TTYH3: variants seen among roughly 807,000 people sequenced by gnomAD.
TTYH3 encodes protein tweety homolog 3.
A neutral mutation model predicts 68.2 loss-of-function variants in TTYH3; 23 were observed. That is an observed-to-expected ratio of 0.34 (90% CI 0.24 to 0.48). The LOEUF is 0.48. Ranked by LOEUF, TTYH3 falls within the 20% of genes least tolerant of loss-of-function variation. TTYH3 has a pLI of 0.99. For missense variants in TTYH3, 768 were observed against 727.7 expected (o/e 1.06, Z -0.64); for synonymous variants, 360 against 332.8 (o/e 1.08, Z -0.89).
rs200285299 is a variant in TTYH3, at chr7:2,639,714, G to A, written c.124-7139G>A. On this transcript the variant is annotated intron_variant, in intron 1 of 13. Coordinates refer to ENST00000258796, the MANE Select transcript of TTYH3 (RefSeq NM_025250.3). ...CAGGCTGTGTGGCCGTTACCATATTGTGTGTCTGTCACATGCCGGCACCTC... is the reference window on the plus strand; with the variant it reads ...CAGGCTGTGTGGCCGTTACCATATTATGTGTCTGTCACATGCCGGCACCTC... 3.9e-4 allele frequency among the ~76,000 whole-genome samples: 59 copies of A among 152,352 alleles called. No individual in the cohort carries two copies. The East Asian group carries it at 0.011, about 28-fold the overall frequency.
chr7:2,636,049 G>C (rs956351981), intron 1 of TTYH3, among the ~76,000 whole-genome samples: 2 of 152,228 alleles, frequency 1.3e-5, no homozygotes, highest in Non-Finnish European at 2.9e-5. Flanking sequence ...TGCCAGCCCA[G>C]GCTGGATGGC....
Position 2,652,224 on chromosome 7 carries a change from C to G in TTYH3, c.909C>G (p.Ala303=), listed in dbSNP as rs372223899. ...LQYYLACSPR[A]ANPFQQKLSG... ...ACTACCTGGCCTGCTCGCCCCGCGCCGCCAACCCCTTCCAGCAGGTGAGAG... is the reference window on the plus strand; with the variant it reads ...ACTACCTGGCCTGCTCGCCCCGCGCGGCCAACCCCTTCCAGCAGGTGAGAG... Residue 303 remains alanine (A), a synonymous_variant, in exon 8 of 14, where the codon GCC becomes GCG. Coordinates refer to ENST00000258796, the MANE Select transcript of TTYH3 (RefSeq NM_025250.3). The G allele has an allele frequency of 3.1e-6, 5 of 1,612,752 alleles. No individual in the cohort carries two copies. The highest frequency in any genetic ancestry group is 4.2e-6 in the Non-Finnish European group (5 of 1,180,030).
intron 1 of TTYH3, among the ~76,000 whole-genome samples, chr7:2,638,755 T>G (rs1785748451): frequency 2.6e-5 from 4 of 152,262 alleles, no homozygotes; most frequent in Admixed American, 2.6e-4. Flanking sequence ...GCTGGGAGCC[T>G]GGGCCGAGTG....
At chr7:2,653,483 G>T (rs1786247336) in intron 9 of TTYH3, among the ~76,000 whole-genome samples, 2 of 152,240 alleles carry the variant, frequency 1.3e-5, no homozygotes, top group African/African-American at 4.8e-5. Context: ...TGAGTGCCCT[G>T]GGGGCATTGT....
chr7:2,647,858 G>A lies in TTYH3; in HGVS notation c.627-101G>A, dbSNP rs563713431. Reference sequence around the variant, plus strand: ...CCAGACGCTCTGAATGCCCTCTGGGGTGCCAGGCTGCTGGCCTCAGCTCCC... The same window carrying A: ...CCAGACGCTCTGAATGCCCTCTGGGATGCCAGGCTGCTGGCCTCAGCTCCC... On this transcript the variant is annotated intron_variant, in intron 4 of 13. Transcript: ENST00000258796. 78 of 1,371,426 alleles carry A rather than the reference G, an allele frequency of 5.7e-5. No homozygotes were observed. The African/African-American group carries it at 8.4e-4, about 15-fold the overall frequency. 85.0% of individuals were successfully genotyped at this position (1,371,426 alleles called of 1,614,324 possible).
chr7:2,639,120 C>T (rs1785760413), intron 1 of TTYH3, among the ~76,000 whole-genome samples: 1 of 152,174 alleles, frequency 6.6e-6, no homozygotes, highest in South Asian at 2.1e-4. Context: ...AACCTTGTTG[C>T]TTCCTCTGGA....
In TTYH3 at chr7:2,661,892, C is replaced by A; in HGVS notation, c.*153C>A. ...GCCGCTTGCCCTCCTGTCCCCTCCC[C>A]GCAGGGGCACAGTGGAGACGCAGGG... On this transcript the variant is annotated 3_prime_UTR_variant, in exon 14 of 14. Coordinates refer to ENST00000258796, the MANE Select transcript of TTYH3 (RefSeq NM_025250.3). 1 of 796,172 alleles carries A rather than the reference C, an allele frequency of 1.3e-6. No homozygotes were observed. Among genetic ancestry groups the A allele is most frequent in the Non-Finnish European group, 2.0e-6 (1 of 492,950 alleles). 49.3% of individuals were successfully genotyped at this position (796,172 alleles called of 1,614,324 possible).
chr7:2,660,164 G>T, intron 13 of TTYH3: 1 of 1,178,392 alleles, frequency 8.5e-7, no homozygotes, highest in Non-Finnish European at 1.1e-6. Flanking sequence ...GCTCCTGTTG[G>T]CAGGGCCAGC....
At chr7:2,643,869 G>T (rs897376109) in intron 1 of TTYH3, among the ~76,000 whole-genome samples, 1 of 152,218 alleles carries the variant, frequency 6.6e-6, no homozygotes, top group Non-Finnish European at 1.5e-5. Context: ...CCAGTCCCCA[G>T]CTCCTCACCC....
At position 2,664,407 on chromosome 7, in the gene TTYH3, G is replaced by A. The variant is rs1205146015; in HGVS notation, c.*2668G>A. On this transcript the variant is annotated 3_prime_UTR_variant, in exon 14 of 14. Transcript: ENST00000258796. ...CAGGCGGGGGACCAGGGCCTCTCCT[G>A]TGGGATCTTTGTTTTGTGTTTAACC... The A allele has an allele frequency of 6.6e-6, 1 of 152,544 alleles. No individual in the cohort carries two copies. Among genetic ancestry groups the A allele is most frequent in the East Asian group, 1.9e-4 (1 of 5,334 alleles). The allele number at this position is 152,544 out of a possible 1,614,324, so 9.4% of individuals were successfully genotyped here.
intron 9 of TTYH3, among the ~76,000 whole-genome samples, chr7:2,654,706 A>T (rs1786285021): frequency 6.6e-6 from 1 of 152,036 alleles, no homozygotes; most frequent in South Asian, 2.1e-4. Context: ...TTGCTTGTAG[A>T]CGCTGTCTTC....
chr7:2,638,742 G>A (rs1158845319), intron 1 of TTYH3, among the ~76,000 whole-genome samples: 1 of 152,218 alleles, frequency 6.6e-6, no homozygotes, highest in African/African-American at 2.4e-5. Context: ...TTGGGCCAGT[G>A]TCGCTGGGAG....
chr7:2,645,177 G>T lies in TTYH3; in HGVS notation c.124-1676G>T, dbSNP rs1296220912. On this transcript the variant is annotated intron_variant, in intron 1 of 13. Coordinates refer to ENST00000258796, the MANE Select transcript of TTYH3 (RefSeq NM_025250.3). The surrounding 1 kb of genome is among the most constrained non-coding windows in gnomAD (Gnocchi z 4.8). ...GTGGTCCCTGGCCCCATGATGAGGC[G>T]CAGCCCTGTATCAGCTCCCCATCCC... Among the ~76,000 whole-genome samples, 2 of 152,212 alleles carry T rather than the reference G, an allele frequency of 1.3e-5. No homozygotes were observed. The highest frequency in any genetic ancestry group is 2.1e-4 in the South Asian group (1 of 4,830).
intron 7 of TTYH3, among the ~76,000 whole-genome samples, chr7:2,651,865 C>T (rs1384854440): frequency 2.0e-5 from 3 of 152,150 alleles, no homozygotes; most frequent in Non-Finnish European, 4.4e-5. Context: ...ACCCCACTGC[C>T]ACACACACAG....
At chr7:2,647,081 G>A in intron 2 of TTYH3, 59 bp downstream of exon 2, 1 of 1,534,278 alleles carries the variant, frequency 6.5e-7, no homozygotes, top group South Asian at 1.2e-5. Context: ...CGAGGGGGCG[G>A]GGCTGGAGTG....
At chr7:2,660,873 G>A (rs554785676) in intron 13 of TTYH3, among the ~76,000 whole-genome samples, 2 of 152,258 alleles carry the variant, frequency 1.3e-5, no homozygotes, top group South Asian at 2.1e-4. Context: ...CACATGCCTC[G>A]CACATGTGGG....
Position 2,647,326 on chromosome 7 carries a change from G to A in TTYH3, c.405+73G>A, listed in dbSNP as rs965558002. On this transcript the variant is annotated intron_variant, in intron 3 of 13. Coordinates refer to ENST00000258796, the MANE Select transcript of TTYH3 (RefSeq NM_025250.3). ...GCCCCACGTCTGCGCGAGGACGGGC[G>A]GGGCAGCCGGGACTGGGGCTGTGCA... 7 of 1,514,266 alleles carry A rather than the reference G, an allele frequency of 4.6e-6. No homozygotes were observed. The African/African-American group carries it at 8.3e-5, about 18-fold the overall frequency. The allele number at this position is 1,514,266 out of a possible 1,614,324, so 93.8% of individuals were successfully genotyped here.
chr7:2,663,976 C>G lies in TTYH3; in HGVS notation c.*2237C>G, dbSNP rs900173732. The G allele has an allele frequency of 2.0e-5, 3 of 152,482 alleles. No homozygotes were observed. Among genetic ancestry groups the G allele is most frequent in the African/African-American group, 7.2e-5 (3 of 41,474 alleles). The allele number at this position is 152,482 out of a possible 1,614,324, so 9.4% of individuals were successfully genotyped here. A position where few individuals can be genotyped will look rare whatever the true frequency, so the allele number is the denominator to read the frequency against. ...TTTCGGTGCCGTGTTCCTAACTACT[C>G]CATCCCATGACCTCGCCACACCTAC... On this transcript the variant is annotated 3_prime_UTR_variant, in exon 14 of 14. Coordinates refer to ENST00000258796, the MANE Select transcript of TTYH3 (RefSeq NM_025250.3).
chr7:2,636,992 G>A (rs993786407), intron 1 of TTYH3, among the ~76,000 whole-genome samples: 2 of 152,134 alleles, frequency 1.3e-5, no homozygotes, highest in East Asian at 1.9e-4. Context: ...AGGTCTTCAC[G>A]GCTTTTTGTA....
Sources: gnomAD v4.1 joint callset for allele counts (sites outside exome capture counted in the v4.1 genomes callset) on GRCh38, gnomAD v4.1.1 for gene constraint, Gnocchi (gnomAD v3.1) non-coding constraint, MANE v1.5 for transcripts, NCBI Gene and HGNC (gene_info 2026-07-23, HGNC 2026-07-21) for gene names.